The following ABHD2 variants were observed in gnomAD, a reference collection of about 807,000 sequenced individuals.
ABHD2 encodes abhydrolase domain containing 2, acylglycerol lipase.
Under a neutral mutation model 48.1 loss-of-function variants are expected in ABHD2, and 20 were observed. The observed-to-expected ratio is 0.42, with a 90% confidence interval of 0.29 to 0.60. ABHD2 has a LOEUF of 0.60. Among genes scored for constraint, ABHD2 ranks in the 20% least tolerant of loss-of-function variants. ABHD2 has a pLI of 0.24. For synonymous variants in ABHD2, 209 were observed against 214.2 expected (o/e 0.98, Z 0.21); for missense variants, 405 against 550.9 (o/e 0.74, Z 2.65).
intron 10 of ABHD2, among the ~76,000 whole-genome samples, chr15:89,194,612 G>A (rs910327012): frequency 1.3e-5 from 2 of 152,030 alleles, no homozygotes; most frequent in East Asian, 3.9e-4. Context: ...AATTCTCCTC[G>A]TTCTCTAGTA....
chr15:89,189,895 T>C lies in ABHD2; in HGVS notation c.927-1185T>C, dbSNP rs555802324. 2.6e-4 allele frequency among the ~76,000 whole-genome samples: 40 copies of C among 152,266 alleles called. No individual in the cohort carries two copies. The highest frequency in any genetic ancestry group is 5.2e-4 in the Admixed American group (8 of 15,296). On this transcript the variant is annotated intron_variant, in intron 8 of 10. Transcript: ENST00000352732. This position sits in a 1 kb window ranked among gnomAD's most constrained non-coding sequence, Gnocchi z 4.9. ...TTTCCTCTTTAATAGCGTTGGAAAATAGCAGTTTTATGATCATAACCAGTC... is the reference window on the plus strand; with the variant it reads ...TTTCCTCTTTAATAGCGTTGGAAAACAGCAGTTTTATGATCATAACCAGTC...
At chr15:89,044,660 G>A in the ABHD2 span, among the ~76,000 whole-genome samples, 9 of 151,708 alleles carry the variant, frequency 5.9e-5, no homozygotes, top group East Asian at 3.9e-4. Flanking sequence ...GCCAGTGATG[G>A]TGAGCATTTT....
chr15:89,183,384 A>AAAAAAAATATATATAT (rs61602174), intron 6 of ABHD2: 13 of 46,272 alleles, frequency 2.8e-4, no homozygotes, highest in East Asian at 7.8e-4. Context: ...AAAAAAAAAA[A>AAAAAAAATATATATAT]ATATATATAT....
At chr15:89,055,536 T>C in the ABHD2 span, among the ~76,000 whole-genome samples, 1 of 152,088 alleles carries the variant, frequency 6.6e-6, no homozygotes, top group Admixed American at 6.6e-5. Context: ...GATTTCACCA[T>C]GTTGCCCAAG....
intron 3 of ABHD2, among the ~76,000 whole-genome samples, chr15:89,139,847 C>A (rs935716154): frequency 1.3e-5 from 2 of 152,172 alleles, no homozygotes; most frequent in Non-Finnish European, 2.9e-5. Context: ...ACATCCCGAG[C>A]CTATGTCTCC....
chr15:89,042,587 C>CTTATTTAT, the ABHD2 span, among the ~76,000 whole-genome samples: 2,164 of 141,960 alleles, frequency 0.015, 26 homozygotes, highest in East Asian at 0.029. Context: ...TTCTTTCTTT[C>CTTATTTAT]TTATTTATTT....
At chr15:89,124,705 G>A (rs2050104923) in intron 3 of ABHD2, among the ~76,000 whole-genome samples, 1 of 152,200 alleles carries the variant, frequency 6.6e-6, no homozygotes, top group Admixed American at 6.5e-5. Context: ...TGTAATGCCA[G>A]CACTTTGGGA....
rs978276122 is a variant in ABHD2 at position 89,092,704 on chromosome 15, G to A, written c.-107+4141G>A. 2.6e-5 allele frequency among the ~76,000 whole-genome samples: 4 copies of A among 152,128 alleles called. No homozygotes were observed. Among genetic ancestry groups the A allele is most frequent in the African/African-American group, 4.8e-5 (2 of 41,420 alleles). ...TAAGCAAATTCGTTAAACATATTCTGTACACCACCCCTTTTTGCAGAAATG... is the reference window on the plus strand; with the variant it reads ...TAAGCAAATTCGTTAAACATATTCTATACACCACCCCTTTTTGCAGAAATG... On this transcript the variant is annotated intron_variant, in intron 1 of 10. Coordinates refer to ENST00000352732, the MANE Select transcript of ABHD2 (RefSeq NM_152924.5). This position sits in a 1 kb window ranked among gnomAD's most constrained non-coding sequence, Gnocchi z 4.4.
chr15:89,175,373 C>T lies in ABHD2; in HGVS notation c.539-439C>T, dbSNP rs990354827. Among the ~76,000 whole-genome samples, 17 of 152,158 alleles carry T rather than the reference C, an allele frequency of 1.1e-4. 1 individual carries two copies. ...CTAAGTAGCGGGGACTACAAGGACA[C>T]ACCTGTAGTGTGTAGAGGTGGGGTC... On this transcript the variant is annotated intron_variant, in intron 5 of 10. Transcript: ENST00000352732. The surrounding 1 kb of genome is among the most constrained non-coding windows in gnomAD (Gnocchi z 5.7).
At chr15:89,081,062 C>G in the ABHD2 span, among the ~76,000 whole-genome samples, 1 of 150,054 alleles carries the variant, frequency 6.7e-6, no homozygotes, top group East Asian at 2.0e-4. Context: ...TACAGTGGCA[C>G]AATCACAGTT....
intron 1 of ABHD2, among the ~76,000 whole-genome samples, chr15:89,096,280 A>G (rs1419033984): frequency 6.6e-6 from 1 of 152,258 alleles, no homozygotes; most frequent in East Asian, 1.9e-4. Context: ...TTATGTTTTT[A>G]TAAATGTGCC....
intron 3 of ABHD2, among the ~76,000 whole-genome samples, chr15:89,147,331 A>C (rs946510203): frequency 2.3e-4 from 35 of 151,064 alleles, no homozygotes; most frequent in African/African-American, 8.6e-4. Flanking sequence ...TTATGTTTAT[A>C]ATTGGGTATT....
At chr15:89,056,911 T>TC in the ABHD2 span, among the ~76,000 whole-genome samples, 5 of 139,274 alleles carry the variant, frequency 3.6e-5, no homozygotes, top group African/African-American at 1.4e-4. Context: ...GTGATACCTT[T>TC]TTTTTTTTTT....
intron 3 of ABHD2, among the ~76,000 whole-genome samples, chr15:89,118,468 G>A (rs114970786): frequency 2.3e-4 from 35 of 152,184 alleles, no homozygotes; most frequent in Middle Eastern, 3.4e-3. Context: ...CACGGCGCTC[G>A]GCCTGAATTT....
rs1483946169 is a variant in ABHD2, at chr15:89,114,907, A to G, written c.-7+1083A>G. Reference sequence around the variant, plus strand: ...TTTTAAAAATCCTTGTCTTGCCCTGATGGTGGAAGACTAGTTACGGAGCTG... The same window carrying G: ...TTTTAAAAATCCTTGTCTTGCCCTGGTGGTGGAAGACTAGTTACGGAGCTG... On this transcript the variant is annotated intron_variant, in intron 2 of 10. Transcript: ENST00000352732. The surrounding 1 kb of genome is among the most constrained non-coding windows in gnomAD (Gnocchi z 4.2). Among the ~76,000 whole-genome samples, 2 of 152,194 alleles carry G rather than the reference A, an allele frequency of 1.3e-5. No individual in the cohort carries two copies. Among genetic ancestry groups the G allele is most frequent in the East Asian group, 3.8e-4 (2 of 5,200 alleles).
chr15:89,097,027 G>A lies in ABHD2; in HGVS notation c.-107+8464G>A, dbSNP rs911397769. Among the ~76,000 whole-genome samples the A allele has an allele frequency of 3.3e-5, 5 of 152,220 alleles. No individual in the cohort carries two copies. The highest frequency in any genetic ancestry group is 1.2e-4 in the African/African-American group (5 of 41,460). On this transcript the variant is annotated intron_variant, in intron 1 of 10. Coordinates refer to ENST00000352732, the MANE Select transcript of ABHD2 (RefSeq NM_152924.5). The surrounding 1 kb of genome is among the most constrained non-coding windows in gnomAD (Gnocchi z 4.2). ...CAGGGACAGTAGAGGCTTGATCGCA[G>A]CTGAAAGTTGGGGTGAGCTTGGGCC...
chr15:89,127,728 T>TATAC (rs2050157067), intron 3 of ABHD2, among the ~76,000 whole-genome samples: 1 of 144,632 alleles, frequency 6.9e-6, no homozygotes, highest in African/African-American at 2.6e-5. Context: ...TACACATATA[T>TATAC]ATATATATAT....
At chr15:89,075,118 C>G in the ABHD2 span, among the ~76,000 whole-genome samples, 16 of 152,172 alleles carry the variant, frequency 1.1e-4, no homozygotes, top group African/African-American at 3.9e-4. This position sits in a 1 kb window ranked among gnomAD's most constrained non-coding sequence, Gnocchi z 4.1. Context: ...CCTACTATCA[C>G]TTGGGTACAA....
chr15:89,197,003 G>A lies in ABHD2; in HGVS notation c.*1580G>A, dbSNP rs2051415670. 6.6e-6 allele frequency: 1 copy of A among 152,592 alleles called. No individual in the cohort carries two copies. The highest frequency in any genetic ancestry group is 6.5e-5 in the Admixed American group (1 of 15,286). 9.5% of individuals were successfully genotyped at this position (152,592 alleles called of 1,614,324 possible). A position where few individuals can be genotyped will look rare whatever the true frequency, so the allele number is the denominator to read the frequency against. Reference sequence around the variant, plus strand: ...TCCTCCTTCATCTCCTTTGACTCCAGGACAGACTGGAATATAAGTAGTGGG... The same window carrying A: ...TCCTCCTTCATCTCCTTTGACTCCAAGACAGACTGGAATATAAGTAGTGGG... On this transcript the variant is annotated 3_prime_UTR_variant, in exon 11 of 11. Transcript: ENST00000352732. The surrounding 1 kb of genome is among the most constrained non-coding windows in gnomAD (Gnocchi z 4.4).
Sources: allele counts gnomAD v4.1 joint callset (sites outside exome capture counted in the v4.1 genomes callset), GRCh38; gene constraint gnomAD v4.1.1; non-coding constraint Gnocchi (gnomAD v3.1); transcripts MANE v1.5; gene names NCBI Gene and HGNC (gene_info 2026-07-23, HGNC 2026-07-21).